AMT: variants seen among roughly 807,000 people sequenced by gnomAD.
AMT encodes aminomethyltransferase.
A neutral mutation model predicts 39.5 loss-of-function variants in AMT; 24 were observed. The observed-to-expected ratio is 0.61, with a 90% confidence interval of 0.44 to 0.86. The LOEUF is 0.86. AMT is among the 40% of genes least tolerant of loss of function. The pLI is 0.00. For missense variants in AMT, 501 were observed against 537.0 expected, an observed-to-expected ratio of 0.93 and a Z score of 0.66; for synonymous variants, 210 against 212.1, an observed-to-expected ratio of 0.99 and a Z score of 0.09.
Position 49,417,300 on chromosome 3 carries a change from G to A in AMT, c.*240C>T. The A allele has an allele frequency of 6.3e-7, 1 of 1,598,280 alleles. No individual in the cohort carries two copies. The highest frequency in any genetic ancestry group is 8.5e-7 in the Non-Finnish European group (1 of 1,178,778). ...TCCAGCAGGCAAGAGTAGGTCAGTGGGATCATGGACTGAAACAAGACATTG... is the reference window on the plus strand; with the variant it reads ...TCCAGCAGGCAAGAGTAGGTCAGTGAGATCATGGACTGAAACAAGACATTG... On this transcript the variant is annotated 3_prime_UTR_variant, in exon 9 of 9. Transcript: ENST00000273588.
chr3:49,421,387 G>T, intron 3 of AMT, 105 bp downstream of exon 3: 2 of 865,104 alleles, frequency 2.3e-6, no homozygotes, highest in Non-Finnish European at 3.9e-6. Flanking sequence ...GCCCTGAGAA[G>T]CTGTGTTTGA....
At chr3:49,418,282 A>G (rs1242922181) in intron 7 of AMT, 2 of 406,432 alleles carry the variant, frequency 4.9e-6, no homozygotes, top group Admixed American at 7.6e-5. Context: ...TCCCAGGTTC[A>G]AGCAATTTAC....
rs1382062787 is a variant in AMT at position 49,417,912 on chromosome 3, C to T, written c.939G>A (p.Lys313=). ...PGAKVIVPQL[K]GRVQRRRVGL... ...CCACACGCCTCCGCTGCACCCTGCC[C>T]TTCAGCTGGGGAACAATGACCTTGG... Residue 313 remains lysine (K), a synonymous_variant, in exon 8 of 9, where the codon AAG becomes AAA. Transcript: ENST00000273588. The T allele has an allele frequency of 2.5e-6, 4 of 1,613,938 alleles. No homozygotes were observed. Among genetic ancestry groups the T allele is most frequent in the Non-Finnish European group, 3.4e-6 (4 of 1,180,018 alleles).
chr3:49,421,335 G>A, intron 3 of AMT, 157 bp downstream of exon 3: 1 of 691,488 alleles, frequency 1.4e-6, no homozygotes, highest in South Asian at 1.5e-5. Context: ...ACAAATGTCT[G>A]TGTCTCTGGA....
At position 49,417,619 on chromosome 3, in the gene AMT, A is replaced by G; in HGVS notation, c.1133T>C (p.Val378Ala). ...CATCTGCTGCTTCCGCCGCACCTCT[A>G]CCAGCAGCATTGTCCCTGGACGACT... ...EYSRPGTMLL[V>A]EVRRKQQMAV... Residue 378 changes from valine (V) to alanine (A), a missense_variant, in exon 9 of 9, where the codon GTA becomes GCA. Transcript: ENST00000273588. 1 of 1,614,132 alleles carries G rather than the reference A, an allele frequency of 6.2e-7. No homozygotes were observed. The highest frequency in any genetic ancestry group is 8.5e-7 in the Non-Finnish European group (1 of 1,180,012).
chr3:49,419,148 A>T lies in AMT; in HGVS notation c.700T>A (p.Ser234Thr). Reference sequence around the variant, plus strand: ...TGAACTGCCCCCGCTACCGGCACCGAGATCTGTATGAAACACCAGAGGGCA... The same window carrying T: ...TGAACTGCCCCCGCTACCGGCACCGTGATCTGTATGAAACACCAGAGGGCA... ...GYTGEDGVEI[S>T]VPVAGAVHLA... is the part of the protein sequence containing the mutation. The change falls in exon 7 of 9, where the codon TCG (serine) becomes ACG (threonine). Residue 234 changes from serine to threonine, a missense_variant. By Grantham distance (58) the Ser-to-Thr change is moderately conservative (BLOSUM62 1). Coordinates refer to ENST00000273588, the MANE Select transcript of AMT (RefSeq NM_000481.4). 6.2e-7 allele frequency: 1 copy of T among 1,613,640 alleles called. No homozygotes were observed. Among genetic ancestry groups the T allele is most frequent in the Non-Finnish European group, 8.5e-7 (1 of 1,179,864 alleles).
chr3:49,419,007 T>G lies in AMT; in HGVS notation c.841A>C (p.Thr281Pro), dbSNP rs933595243. ...CTGAGGCTGCCCTCCACAGGTGTAG[T>G]GTGTTCATCAATGTCATTCCCATAC... Reference protein sequence around the residue: ...CLYGNDIDEHTTPVEGSLSWT... With the variant: ...CLYGNDIDEHPTPVEGSLSWT... Residue 281 changes from threonine to proline, a missense_variant, in exon 7 of 9, where the codon ACT becomes CCT. Coordinates refer to ENST00000273588, the MANE Select transcript of AMT (RefSeq NM_000481.4). 1 of 1,613,964 alleles carries G rather than the reference T, an allele frequency of 6.2e-7. No individual in the cohort carries two copies. The highest frequency in any genetic ancestry group is 2.2e-5 in the East Asian group (1 of 44,846).
Position 49,417,609 on chromosome 3 carries a change from C to T in AMT, c.1143G>A (p.Arg381=). ...RPGTMLLVEV[R]RKQQMAVVSK... ...TGACTACAGCCATCTGCTGCTTCCGCCGCACCTCTACCAGCAGCATTGTCC... is the reference window on the plus strand; with the variant it reads ...TGACTACAGCCATCTGCTGCTTCCGTCGCACCTCTACCAGCAGCATTGTCC... Residue 381 remains arginine (R), a synonymous_variant, in exon 9 of 9, where the codon CGG becomes CGA. Transcript: ENST00000273588. 1 of 1,614,196 alleles carries T rather than the reference C, an allele frequency of 6.2e-7. No individual in the cohort carries two copies. The highest frequency in any genetic ancestry group is 8.5e-7 in the Non-Finnish European group (1 of 1,180,040).
intron 4 of AMT, 30 bp from the exon 5 acceptor site, chr3:49,419,818 G>C: frequency 1.2e-6 from 2 of 1,606,322 alleles, no homozygotes; most frequent in Non-Finnish European, 1.7e-6. Flanking sequence ...GAGCATCTGG[G>C]GCCACTTACT....
Position 49,417,873 on chromosome 3 carries a change from C to G in AMT, c.978G>C (p.Glu326Asp). The change falls in exon 8 of 9, where the codon GAG becomes GAC. Residue 326 changes from glutamate (E) to aspartate (D), a missense_variant. Glu to Asp is a conservative substitution (Grantham distance 45). Transcript: ENST00000273588. ...VQRRRVGLMC[E>D]GAPMRAHSPI... ...GACTGTGTGCCCGCATGGGGGCCCC[C>G]TCACACATCAACCCCACACGCCTCC... is the stretch of plus-strand genomic sequence containing the variant. 1 of 1,614,100 alleles carries G rather than the reference C, an allele frequency of 6.2e-7. No homozygotes were observed. Among genetic ancestry groups the G allele is most frequent in the Non-Finnish European group, 8.5e-7 (1 of 1,180,016 alleles).
chr3:49,419,492 C>A, intron 5 of AMT, 87 bp from the exon 6 acceptor site: 1 of 1,569,642 alleles, frequency 6.4e-7, no homozygotes, highest in Non-Finnish European at 8.7e-7. Context: ...CCAGAACAAG[C>A]CCTGAGCATG....
Position 49,420,323 on chromosome 3 carries a change from G to C in AMT, c.359C>G (p.Thr120Ser), listed in dbSNP as rs766350668. The C allele has an allele frequency of 1.9e-5, 30 of 1,614,164 alleles. No individual in the cohort carries two copies. The highest frequency in any genetic ancestry group is 2.3e-5 in the Non-Finnish European group (27 of 1,180,022). The change falls in exon 4 of 9, where the codon ACC becomes AGC. Residue 120 changes from threonine (T) to serine (S), a missense_variant. Coordinates refer to ENST00000273588, the MANE Select transcript of AMT (RefSeq NM_000481.4). ...ATCTAAGATGCCTCCAGCCTCGTTG[G>C]TAAACAGCGACAGTGTCCCCTAGGA... ...RPNQGTLSLF[T>S]NEAGGILDDL...
chr3:49,417,398 A>G lies in AMT; in HGVS notation c.*142T>C, dbSNP rs758888631. The G allele has an allele frequency of 2.5e-6, 4 of 1,607,570 alleles. No individual in the cohort carries two copies. Among genetic ancestry groups the G allele is most frequent in the Non-Finnish European group, 3.4e-6 (4 of 1,179,152 alleles). ...ATGGCATGAGTTAGGTGGGGGGAAT[A>G]GGTGGTGTGGCCCCTCAACCAGACA... On this transcript the variant is annotated 3_prime_UTR_variant, in exon 9 of 9. Coordinates refer to ENST00000273588, the MANE Select transcript of AMT (RefSeq NM_000481.4).
chr3:49,421,618 C>T (rs1288357487), intron 2 of AMT, 46 bp from the exon 3 acceptor site: 1 of 1,550,416 alleles, frequency 6.4e-7, no homozygotes, highest in East Asian at 2.2e-5. Flanking sequence ...CAGCTACAAT[C>T]CAAAAGGCTA....
Position 49,417,695 on chromosome 3 carries a change from A to T in AMT, c.1057T>A (p.Ser353Thr). 1 of 1,613,190 alleles carries T rather than the reference A, an allele frequency of 6.2e-7. No individual in the cohort carries two copies. Among genetic ancestry groups the T allele is most frequent in the Non-Finnish European group, 8.5e-7 (1 of 1,179,926 alleles). ...GCCACATTCTTCTTCAGAGAGGGGG[A>T]GGGGCAGCCACTAGTCACAGTACCT... ...KIGTVTSGCP[S>T]PSLKKNVAMG... The change falls in exon 9 of 9, where the codon TCC becomes ACC. Residue 353 changes from serine (S) to threonine (T), a missense_variant. By Grantham distance (58) the Ser-to-Thr change is moderately conservative (BLOSUM62 1). Coordinates refer to ENST00000273588, the MANE Select transcript of AMT (RefSeq NM_000481.4).
intron 7 of AMT, chr3:49,418,768 G>C: frequency 1.6e-6 from 1 of 616,920 alleles, no homozygotes; most frequent in Non-Finnish European, 2.9e-6. Context: ...GCCTCCCAAA[G>C]TGCTGGGATT....
chr3:49,419,282 T>G lies in AMT; in HGVS notation c.674A>C (p.Tyr225Ser). 1 of 1,614,130 alleles carries G rather than the reference T, an allele frequency of 6.2e-7. No individual in the cohort carries two copies. The highest frequency in any genetic ancestry group is 8.5e-7 in the Non-Finnish European group (1 of 1,180,016). ...CACCTCCACACCATCCTCTCCTGTG[T>G]AGCCACAGCGGGTCACGCGGCAGCC... ...VSGCRVTRCG[Y>S]TGEDGVEISV... Residue 225 changes from tyrosine to serine, a missense_variant, in exon 6 of 9, where the codon TAC (tyrosine) becomes TCC (serine). Physicochemically the swap from Tyr to Ser is moderately radical, Grantham distance 144. Coordinates refer to ENST00000273588, the MANE Select transcript of AMT (RefSeq NM_000481.4).
chr3:49,419,602 A>ACAAATATCACACCTT (rs2049064324), intron 5 of AMT, 108 bp downstream of exon 5: 6 of 1,440,952 alleles, frequency 4.2e-6, no homozygotes, highest in Non-Finnish European at 4.9e-6. Context: ...ATTATGGCAC[A>ACAAATATCACACCTT]CAAATATCAC....
rs1559530779 is a variant in AMT, at chr3:49,422,375, G to C, written c.76C>G (p.Leu26Val). 3 of 1,608,884 alleles carry C rather than the reference G, an allele frequency of 1.9e-6. No individual in the cohort carries two copies. Among genetic ancestry groups the C allele is most frequent in the Non-Finnish European group, 2.5e-6 (3 of 1,177,832 alleles). The change falls in exon 1 of 9, where the codon CTT becomes GTT. Residue 26 changes from leucine to valine, a missense_variant. Coordinates refer to ENST00000273588, the MANE Select transcript of AMT (RefSeq NM_000481.4). ...CTCTATCCCACCTGTGCGCAACTAA[G>C]TGGACGACACAAGGCCGGGGGGAAT... The part of the protein sequence containing the change: ...QAFPPALCRP[L>V]SCAQEVLRRT...
Sources: gnomAD v4.1 joint callset for allele counts on GRCh38, gnomAD v4.1.1 for gene constraint, MANE v1.5 for transcripts, NCBI Gene and HGNC (gene_info 2026-07-23, HGNC 2026-07-21) for gene names.